The following FOXP2 variants were observed in gnomAD, a reference collection of about 807,000 sequenced individuals.
The protein encoded by FOXP2 is forkhead box protein P2.
Under a neutral mutation model 115.8 loss-of-function variants are expected in FOXP2, and 12 were observed. That is an observed-to-expected ratio of 0.10 (90% CI 0.07 to 0.17). FOXP2 has a LOEUF of 0.17. Ranked by LOEUF, FOXP2 falls within the 10% of genes least tolerant of loss-of-function variation. The probability of loss-of-function intolerance (pLI) is 1.00; values close to 1 mark genes in which losing one functional copy is unlikely to be tolerated. For synonymous variants in FOXP2, 328 were observed against 297.7 expected, an observed-to-expected ratio of 1.10 and a Z score of -1.05; for missense variants, 629 against 843.5, an observed-to-expected ratio of 0.75 and a Z score of 3.15.
intron 3 of FOXP2, among the ~76,000 whole-genome samples, chr7:114,564,743 T>C (rs1800921899): frequency 6.6e-6 from 1 of 151,870 alleles, no homozygotes; most frequent in Non-Finnish European, 1.5e-5. Flanking sequence ...TAGGTGAGCA[T>C]GGTGGTATGC....
chr7:114,499,695 G>C (rs968368665), intron 2 of FOXP2: 2 of 151,532 alleles, frequency 1.3e-5, no homozygotes, highest in South Asian at 4.2e-4. Context: ...TTTTTCTCTT[G>C]GTTTTTTACT....
chr7:114,439,107 T>C (rs1794483875), intron 2 of FOXP2, among the ~76,000 whole-genome samples: 1 of 152,182 alleles, frequency 6.6e-6, no homozygotes, highest in East Asian at 1.9e-4. Flanking sequence ...GTCATATAAA[T>C]TGGAGATCCA....
intron 2 of FOXP2, among the ~76,000 whole-genome samples, chr7:114,465,739 AT>A (rs1795772284): frequency 6.6e-6 from 1 of 152,218 alleles, no homozygotes; most frequent in Admixed American, 6.5e-5. Context: ...CTTGAAGATG[AT>A]TAGCACACTT....
Position 114,610,677 on chromosome 7 carries a change from T to G in FOXP2, c.259-17863T>G, listed in dbSNP as rs186700954. ...TGCTAAGAGGTTTTTTCAATTTGTG[T>G]TTTTTTTTTGTTTTTGAGGTAGAGT... On this transcript the variant is annotated intron_variant, in intron 3 of 16. Transcript: ENST00000350908. Among the ~76,000 whole-genome samples the G allele has an allele frequency of 6.7e-3, 933 of 139,792 alleles. 5 individuals carry two copies. Among genetic ancestry groups the G allele is most frequent in the African/African-American group, 0.027 (876 of 32,706 alleles). The allele number at this position is 139,792 out of a possible 152,430, so 91.7% of individuals were successfully genotyped here.
intron 2 of FOXP2, among the ~76,000 whole-genome samples, chr7:114,529,223 G>C (rs1799022524): frequency 6.6e-6 from 1 of 151,772 alleles, no homozygotes; most frequent in Admixed American, 6.6e-5. Flanking sequence ...ATCTGTCTTA[G>C]ATGTTAGTTA....
intron 3 of FOXP2, among the ~76,000 whole-genome samples, chr7:114,594,537 T>C (rs1177242346): frequency 6.6e-6 from 1 of 152,022 alleles, no homozygotes; most frequent in Middle Eastern, 3.2e-3. Context: ...TGTTACAAGA[T>C]ATGTACATAA....
intron 2 of FOXP2, among the ~76,000 whole-genome samples, chr7:114,389,503 C>A (rs117528636): frequency 6.6e-6 from 1 of 152,262 alleles, no homozygotes; most frequent in Non-Finnish European, 1.5e-5. Context: ...AGAATGTCTC[C>A]TTTTCTTCTC....
intron 2 of FOXP2, among the ~76,000 whole-genome samples, chr7:114,348,830 T>G (rs1287259199): frequency 6.6e-6 from 1 of 152,082 alleles, no homozygotes. Flanking sequence ...TACCCTACCC[T>G]GCAGCAGCTT....
chr7:114,566,953 A>G (rs569155512), intron 3 of FOXP2, among the ~76,000 whole-genome samples: 205 of 152,102 alleles, frequency 1.3e-3, no homozygotes, highest in African/African-American at 4.6e-3. Flanking sequence ...TTTTTCTTAC[A>G]AGTCATTTCA....
chr7:114,529,064 G>A (rs1430802346), intron 2 of FOXP2, among the ~76,000 whole-genome samples: 1 of 151,756 alleles, frequency 6.6e-6, no homozygotes. Context: ...TATTACATTA[G>A]CAATTTATTA....
chr7:114,455,128 A>G (rs1584756392), intron 2 of FOXP2, among the ~76,000 whole-genome samples: 3 of 152,260 alleles, frequency 2.0e-5, no homozygotes, highest in East Asian at 3.9e-4. Flanking sequence ...TTTCAAATGT[A>G]TGCATATTCA....
At chr7:114,446,529 T>C (rs1019726299) in intron 2 of FOXP2, among the ~76,000 whole-genome samples, 1 of 151,976 alleles carries the variant, frequency 6.6e-6, no homozygotes, top group East Asian at 1.9e-4. Flanking sequence ...ACTGAGATCA[T>C]ACTTTTTTAA....
chr7:114,545,804 C>A (rs1385237473), intron 3 of FOXP2, among the ~76,000 whole-genome samples: 2 of 152,066 alleles, frequency 1.3e-5, no homozygotes, highest in African/African-American at 4.8e-5. Flanking sequence ...ATCTAGAAAT[C>A]TTTTTTGCAT....
intron 1 of FOXP2, among the ~76,000 whole-genome samples, chr7:114,207,778 C>T (rs562491395): frequency 3.9e-5 from 6 of 152,134 alleles, no homozygotes; most frequent in Non-Finnish European, 7.4e-5. Flanking sequence ...AATTTGTCTT[C>T]AGATTACTCT....
chr7:114,113,486 G>A (rs1471581246), intron 1 of FOXP2, among the ~76,000 whole-genome samples: 2 of 152,116 alleles, frequency 1.3e-5, no homozygotes, highest in South Asian at 4.1e-4. Context: ...TGCTCAGGCA[G>A]TCCTCCATTC....
intron 1 of FOXP2, among the ~76,000 whole-genome samples, chr7:114,146,701 A>G (rs1028638071): frequency 6.6e-6 from 1 of 152,234 alleles, no homozygotes; most frequent in Admixed American, 6.5e-5. Context: ...ACTATGATAT[A>G]AATTTGTCAT....
chr7:114,500,147 C>T lies in FOXP2; in HGVS notation c.169-34470C>T, dbSNP rs1424739551. Among the ~76,000 whole-genome samples, 4 of 143,258 alleles carry T rather than the reference C, an allele frequency of 2.8e-5. No individual in the cohort carries two copies. In the South Asian group the frequency reaches 6.8e-4, roughly 24 times the overall value. The allele number at this position is 143,258 out of a possible 152,430, so 94.0% of individuals were successfully genotyped here. On this transcript the variant is annotated intron_variant, in intron 2 of 16. Coordinates refer to ENST00000350908, the MANE Select transcript of FOXP2 (RefSeq NM_014491.4). ...AGGAGAATGGCGTGAACCCAGGAGG[C>T]GGAGCTTGCAGTGAGCCGAGATCAC...
At chr7:114,296,524 G>A (rs1261390006) in intron 2 of FOXP2, among the ~76,000 whole-genome samples, 5 of 151,946 alleles carry the variant, frequency 3.3e-5, no homozygotes, top group African/African-American at 1.2e-4. Flanking sequence ...AGACTGTTAG[G>A]TTTAGTCAAA....
intron 2 of FOXP2, among the ~76,000 whole-genome samples, chr7:114,331,207 T>A (rs964426573): frequency 1.8e-4 from 27 of 152,318 alleles, no homozygotes; most frequent in African/African-American, 6.3e-4. Context: ...ACTGTAAACA[T>A]GTTCATTTGA....
Sources: allele counts gnomAD v4.1 joint callset (sites outside exome capture counted in the v4.1 genomes callset), GRCh38; gene constraint gnomAD v4.1.1; transcripts MANE v1.5; gene names NCBI Gene and HGNC (gene_info 2026-07-23, HGNC 2026-07-21).